The following CDYL2 variants were observed in gnomAD, a reference collection of about 807,000 sequenced individuals.
The protein encoded by CDYL2 is chromodomain Y-like protein 2.
In CDYL2, 23 loss-of-function variants were observed where a neutral mutation model predicts 49.4. That is an observed-to-expected ratio of 0.47 (90% CI 0.34 to 0.66). The LOEUF (loss-of-function observed/expected upper bound fraction) is 0.66, where lower values mean the gene tolerates loss of function less well. Among genes scored for constraint, CDYL2 ranks in the 30% least tolerant of loss-of-function variants. The probability of loss-of-function intolerance (pLI) is 0.01; values close to 1 mark genes in which losing one functional copy is unlikely to be tolerated. For missense variants in CDYL2, 678 were observed against 656.4 expected, an observed-to-expected ratio of 1.03 and a Z score of -0.36; for synonymous variants, 360 against 268.8, an observed-to-expected ratio of 1.34 and a Z score of -3.32.
intron 1 of CDYL2, among the ~76,000 whole-genome samples, chr16:80,768,485 C>T (rs1036776073): frequency 6.6e-6 from 1 of 152,204 alleles, no homozygotes; most frequent in African/African-American, 2.4e-5. Flanking sequence ...AGTCCAAGAT[C>T]AAGGCCCCAG....
At chr16:80,765,161 T>C (rs140022134) in intron 1 of CDYL2, among the ~76,000 whole-genome samples, 303 of 141,012 alleles carry the variant, frequency 2.1e-3, no homozygotes, top group African/African-American at 7.6e-3. Flanking sequence ...TGTTATACAA[T>C]ATATATAATA....
At chr16:80,751,834 C>T (rs372830590) in intron 1 of CDYL2, among the ~76,000 whole-genome samples, 6 of 151,994 alleles carry the variant, frequency 3.9e-5, no homozygotes, top group East Asian at 1.9e-4. Flanking sequence ...GACTGAAAAC[C>T]GGCTTCCGTC....
At chr16:80,658,608 G>A (rs1908908295) in intron 2 of CDYL2, among the ~76,000 whole-genome samples, 1 of 152,144 alleles carries the variant, frequency 6.6e-6, no homozygotes, top group East Asian at 1.9e-4. Flanking sequence ...ATGCAGAGAG[G>A]CAAGGAAGAA....
At chr16:80,725,616 T>C (rs184387665) in intron 1 of CDYL2, among the ~76,000 whole-genome samples, 16 of 152,374 alleles carry the variant, frequency 1.1e-4, no homozygotes, top group African/African-American at 1.9e-4. Flanking sequence ...CTGTGCTTAG[T>C]TGCTGTGGCC....
chr16:80,776,200 A>T (rs1907076797), intron 1 of CDYL2, among the ~76,000 whole-genome samples: 1 of 152,164 alleles, frequency 6.6e-6, no homozygotes, highest in African/African-American at 2.4e-5. Flanking sequence ...AAACTTCTGC[A>T]GTTTCTCTGT....
intron 2 of CDYL2, chr16:80,679,634 A>G (rs1165941220): frequency 2.2e-6 from 1 of 453,846 alleles, no homozygotes; most frequent in Non-Finnish European, 4.4e-6. Context: ...AAAACTTTCA[A>G]CCTTACAGCT....
intron 2 of CDYL2, among the ~76,000 whole-genome samples, chr16:80,648,637 A>T (rs569289233): frequency 3.7e-4 from 57 of 152,064 alleles, no homozygotes; most frequent in African/African-American, 1.3e-3. Flanking sequence ...ATACTTCCAA[A>T]CTCATTCTAC....
intron 2 of CDYL2, among the ~76,000 whole-genome samples, chr16:80,643,016 T>C (rs1433364153): frequency 1.3e-5 from 2 of 152,090 alleles, no homozygotes; most frequent in East Asian, 3.9e-4. Flanking sequence ...AAGTCCACAG[T>C]GCAAAGTCTC....
At chr16:80,620,090 C>A (rs929908050) in intron 4 of CDYL2, among the ~76,000 whole-genome samples, 9 of 152,226 alleles carry the variant, frequency 5.9e-5, no homozygotes, top group African/African-American at 2.2e-4. Flanking sequence ...CACTGGGTGA[C>A]AGCTGTAAAC....
intron 2 of CDYL2, among the ~76,000 whole-genome samples, chr16:80,640,579 G>T (rs940532500): frequency 6.6e-6 from 1 of 152,042 alleles, no homozygotes; most frequent in Admixed American, 6.6e-5. Context: ...AGATCATCCA[G>T]GAAAACATGA....
Position 80,619,672 on chromosome 16 carries a change from G to C in CDYL2, c.1007+1091C>G, listed in dbSNP as rs116068278. On this transcript the variant is annotated intron_variant, in intron 4 of 6. Coordinates refer to ENST00000570137, the MANE Select transcript of CDYL2 (RefSeq NM_152342.4). ...GTGTGGGCACAGCCAGGAAGCCTGT[G>C]CCTCCATAACCACAACACCTTTCAC... 9.5e-3 allele frequency among the ~76,000 whole-genome samples: 1,446 copies of C among 152,298 alleles called. 35 individuals carry two copies. Among genetic ancestry groups the C allele is most frequent in the African/African-American group, 0.033 (1,354 of 41,548 alleles).
chr16:80,632,928 C>T (rs1173974881), intron 3 of CDYL2, 91 bp downstream of exon 3: 14 of 1,304,876 alleles, frequency 1.1e-5, no homozygotes, highest in Non-Finnish European at 1.5e-5. Context: ...CCTCAGCTCC[C>T]TGATGGAAGG....
intron 1 of CDYL2, among the ~76,000 whole-genome samples, chr16:80,739,578 A>G (rs1905661130): frequency 6.6e-6 from 1 of 152,200 alleles, no homozygotes. Flanking sequence ...GGGCACCAGC[A>G]GTCCCAGGAT....
Position 80,612,270 on chromosome 16 carries a change from C to G in CDYL2, c.1218+356G>C, listed in dbSNP as rs926440776. Among the ~76,000 whole-genome samples, 1 of 152,154 alleles carries G rather than the reference C, an allele frequency of 6.6e-6. No individual in the cohort carries two copies. The highest frequency in any genetic ancestry group is 6.5e-5 in the Admixed American group (1 of 15,276). ...GGGTCCCCAGAGAGTGTGGGTGGCC[C>G]CTACACCTATGCTGGACCACTCAAG... is the stretch of plus-strand genomic sequence containing the variant. On this transcript the variant is annotated intron_variant, in intron 5 of 6. Coordinates refer to ENST00000570137, the MANE Select transcript of CDYL2 (RefSeq NM_152342.4). This position sits in a 1 kb window ranked among gnomAD's most constrained non-coding sequence, Gnocchi z 5.0.
intron 2 of CDYL2, among the ~76,000 whole-genome samples, chr16:80,672,364 G>C (rs990272741): frequency 6.7e-6 from 1 of 149,708 alleles, no homozygotes; most frequent in Non-Finnish European, 1.5e-5. Context: ...GAGAGAGAGA[G>C]AGAGATGAGT....
chr16:80,689,448 G>A (rs995729812), intron 1 of CDYL2, among the ~76,000 whole-genome samples: 6 of 152,216 alleles, frequency 3.9e-5, no homozygotes, highest in Non-Finnish European at 8.8e-5. Context: ...TCATTTGACA[G>A]GGGAGGAAAC....
chr16:80,672,414 A>G (rs1024821017), intron 2 of CDYL2, among the ~76,000 whole-genome samples: 1 of 151,386 alleles, frequency 6.6e-6, no homozygotes, highest in Non-Finnish European at 1.5e-5. Context: ...AGATCTAATG[A>G]TACAGTCAGA....
chr16:80,657,438 A>T (rs983561191), intron 2 of CDYL2, among the ~76,000 whole-genome samples: 1 of 152,198 alleles, frequency 6.6e-6, no homozygotes, highest in African/African-American at 2.4e-5. Flanking sequence ...AGATAAGAAG[A>T]CCAAAAATTC....
At chr16:80,684,399 A>T in intron 2 of CDYL2, 139 bp downstream of exon 2, 1 of 775,512 alleles carries the variant, frequency 1.3e-6, no homozygotes, top group Non-Finnish European at 2.1e-6. Flanking sequence ...GCTCTAGGTG[A>T]GAGAGATGAA....
Sources: allele counts gnomAD v4.1 joint callset (sites outside exome capture counted in the v4.1 genomes callset), GRCh38; gene constraint gnomAD v4.1.1; non-coding constraint Gnocchi (gnomAD v3.1); transcripts MANE v1.5; gene names NCBI Gene and HGNC (gene_info 2026-07-23, HGNC 2026-07-21).